TMEM65: variants seen among roughly 807,000 people sequenced by gnomAD.
TMEM65 encodes the protein transmembrane protein 65.
TMEM65 carries 22 observed loss-of-function variants against 25.4 expected under a neutral mutation model. That is an observed-to-expected ratio of 0.86 (90% CI 0.62 to 1.23). The LOEUF is 1.23. Among genes scored for constraint, TMEM65 ranks in the 50% most tolerant of loss-of-function variants. The pLI is 0.00. For synonymous variants in TMEM65, 132 were observed against 126.2 expected (o/e 1.05, Z -0.31); for missense variants, 262 against 308.2 (o/e 0.85, Z 1.12).
intron 1 of TMEM65, among the ~76,000 whole-genome samples, chr8:124,363,665 G>A (rs1814900362): frequency 6.6e-6 from 1 of 151,510 alleles, no homozygotes; most frequent in South Asian, 2.1e-4. Flanking sequence ...GTGAAACCCC[G>A]TCTCTACTAA....
At chr8:124,351,853 A>G (rs1308518920) in intron 1 of TMEM65, among the ~76,000 whole-genome samples, 2 of 152,230 alleles carry the variant, frequency 1.3e-5, no homozygotes, top group Admixed American at 1.3e-4. Flanking sequence ...ACAGTCAGCT[A>G]TTTCTTCTAT....
At chr8:124,320,673 C>A (rs1240173247) in intron 5 of TMEM65, among the ~76,000 whole-genome samples, 1 of 152,124 alleles carries the variant, frequency 6.6e-6, no homozygotes, top group African/African-American at 2.4e-5. Context: ...CACCTTAGAA[C>A]TGTCAGGCCA....
chr8:124,317,483 C>A (rs1440001775), intron 6 of TMEM65, among the ~76,000 whole-genome samples: 1 of 152,148 alleles, frequency 6.6e-6, no homozygotes, highest in Non-Finnish European at 1.5e-5. Context: ...TAGGTATTTT[C>A]TAGGGTTCTT....
intron 1 of TMEM65, among the ~76,000 whole-genome samples, chr8:124,340,293 T>A (rs139581578): frequency 6.6e-6 from 1 of 152,310 alleles, no homozygotes; most frequent in African/African-American, 2.4e-5. Context: ...GCATCTATGA[T>A]GTATATCTAT....
At chr8:124,360,730 A>C (rs1814848363) in intron 1 of TMEM65, among the ~76,000 whole-genome samples, 1 of 152,168 alleles carries the variant, frequency 6.6e-6, no homozygotes, top group Admixed American at 6.6e-5. Flanking sequence ...ATCCCTTTGA[A>C]AATGCAAATT....
At chr8:124,339,471 C>G (rs964983152) in intron 1 of TMEM65, among the ~76,000 whole-genome samples, 1 of 151,472 alleles carries the variant, frequency 6.6e-6, no homozygotes, top group Admixed American at 6.6e-5. Flanking sequence ...GAGTGCTGCC[C>G]AATTCATGAG....
intron 1 of TMEM65, among the ~76,000 whole-genome samples, chr8:124,350,119 A>AGTGTGT (rs71866914): frequency 2.0e-5 from 3 of 148,126 alleles, no homozygotes; most frequent in Non-Finnish European, 4.5e-5. Flanking sequence ...CTAATACATC[A>AGTGTGT]GTGTGTGTGT....
chr8:124,322,779 C>CCT (rs1814320956), intron 4 of TMEM65, among the ~76,000 whole-genome samples: 1 of 151,922 alleles, frequency 6.6e-6, no homozygotes, highest in Non-Finnish European at 1.5e-5. Context: ...GGGCAGATCA[C>CCT]GAGGTCAGGC....
chr8:124,355,729 A>T (rs1814770300), intron 1 of TMEM65, among the ~76,000 whole-genome samples: 1 of 152,260 alleles, frequency 6.6e-6, no homozygotes, highest in African/African-American at 2.4e-5. Flanking sequence ...AACTGAAGTC[A>T]CAGAGCAATC....
In TMEM65 at chr8:124,371,876, G is replaced by C. The variant is rs1325861980; in HGVS notation, c.282C>G (p.Phe94Leu). ...TACCTTGGGCAATGGCAATAGACTC[G>C]AAGCGGTGCAGCTCTTTGAGCAGGC... Reference protein sequence around the residue: ...RSCLLKELHRFESIAIAQEKL... With the variant: ...RSCLLKELHRLESIAIAQEKL... The change falls in exon 1 of 7, where the codon TTC (phenylalanine) becomes TTG (leucine). Residue 94 changes from phenylalanine to leucine, a missense_variant. Phe to Leu is a conservative substitution (Grantham distance 22, BLOSUM62 0). Transcript: ENST00000297632. 3 of 1,545,108 alleles carry C rather than the reference G, an allele frequency of 1.9e-6. No individual in the cohort carries two copies. The highest frequency in any genetic ancestry group is 2.6e-6 in the Non-Finnish European group (3 of 1,151,250).
At chr8:124,367,088 T>C (rs1292249966) in intron 1 of TMEM65, among the ~76,000 whole-genome samples, 2 of 152,228 alleles carry the variant, frequency 1.3e-5, no homozygotes, top group Non-Finnish European at 2.9e-5. Flanking sequence ...TCACGTATCT[T>C]TATTTGCAGT....
rs1488550791 is a variant in TMEM65 at position 124,312,824 on chromosome 8, G to A, written c.*1136C>T. The A allele has an allele frequency of 6.6e-6, 1 of 151,656 alleles. No homozygotes were observed. The highest frequency in any genetic ancestry group is 1.5e-5 in the Non-Finnish European group (1 of 67,792). The allele number at this position is 151,656 out of a possible 1,614,324, so 9.4% of individuals were successfully genotyped here. On this transcript the variant is annotated 3_prime_UTR_variant, in exon 7 of 7. Coordinates refer to ENST00000297632, the MANE Select transcript of TMEM65 (RefSeq NM_194291.3). ...ATGTAATTTTTGAGTAGACTATGTA[G>A]CAAAAAAGCAAAATATTAAATATCT...
At chr8:124,337,272 C>A (rs1814523406) in intron 1 of TMEM65, among the ~76,000 whole-genome samples, 1 of 151,902 alleles carries the variant, frequency 6.6e-6, no homozygotes, top group Non-Finnish European at 1.5e-5. Context: ...AAATAATTTT[C>A]AACTCATTTA....
chr8:124,327,252 A>G, intron 3 of TMEM65, 102 bp downstream of exon 3: 1 of 738,458 alleles, frequency 1.4e-6, no homozygotes, highest in Non-Finnish European at 2.2e-6. Context: ...CTTGTTCATT[A>G]TGATATTAAA....
chr8:124,330,596 T>G, intron 2 of TMEM65, 152 bp downstream of exon 2: 6 of 590,050 alleles, frequency 1.0e-5, no homozygotes, highest in Non-Finnish European at 1.4e-5. Flanking sequence ...TAGCCAAGTT[T>G]ATAAACTTTG....
chr8:124,346,861 C>A (rs1814645509), intron 1 of TMEM65, among the ~76,000 whole-genome samples: 1 of 152,128 alleles, frequency 6.6e-6, no homozygotes, highest in Non-Finnish European at 1.5e-5. Flanking sequence ...CAGTTACCCA[C>A]AATTCTGAAC....
intron 2 of TMEM65, among the ~76,000 whole-genome samples, chr8:124,329,878 C>A (rs1814410903): frequency 6.6e-6 from 1 of 151,798 alleles, no homozygotes; most frequent in South Asian, 2.1e-4. Context: ...GTGGGAGAAT[C>A]ATAAATTACT....
chr8:124,313,291 T>C lies in TMEM65; in HGVS notation c.*669A>G, dbSNP rs1303737536. The C allele has an allele frequency of 1.3e-5, 2 of 152,016 alleles. No individual in the cohort carries two copies. The highest frequency in any genetic ancestry group is 1.9e-4 in the East Asian group (1 of 5,202). 9.4% of individuals were successfully genotyped at this position (152,016 alleles called of 1,614,324 possible). A position where few individuals can be genotyped will look rare whatever the true frequency, so the allele number is the denominator to read the frequency against. Reference sequence around the variant, plus strand: ...CAACTAAAAATTGTACGCTTGTTAGTATACACGGTTTCATGTAGCAGGGAG... The same window carrying C: ...CAACTAAAAATTGTACGCTTGTTAGCATACACGGTTTCATGTAGCAGGGAG... On this transcript the variant is annotated 3_prime_UTR_variant, in exon 7 of 7. Transcript: ENST00000297632.
At chr8:124,317,899 G>A (rs532757962) in intron 6 of TMEM65, among the ~76,000 whole-genome samples, 75 of 152,244 alleles carry the variant, frequency 4.9e-4, no homozygotes, top group African/African-American at 1.6e-3. Flanking sequence ...CCCGTAGATC[G>A]GGGTGTCCAA....
Sources: allele counts gnomAD v4.1 joint callset (sites outside exome capture counted in the v4.1 genomes callset), GRCh38; gene constraint gnomAD v4.1.1; transcripts MANE v1.5; gene names NCBI Gene and HGNC (gene_info 2026-07-23, HGNC 2026-07-21).